The following MGAT4C variants were observed in gnomAD, a reference collection of about 807,000 sequenced individuals.
MGAT4C encodes alpha-1,3-mannosyl-glycoprotein 4-beta-N-acetylglucosaminyltransferase C.
A neutral mutation model predicts 40.1 loss-of-function variants in MGAT4C; 19 were observed. That is an observed-to-expected ratio of 0.47 (90% CI 0.33 to 0.70). MGAT4C has a LOEUF of 0.70. Among genes scored for constraint, MGAT4C ranks in the 30% least tolerant of loss-of-function variants. MGAT4C has a pLI of 0.02. For missense variants in MGAT4C, 491 were observed against 563.2 expected (o/e 0.87, Z 1.30); for synonymous variants, 181 against 187.1 (o/e 0.97, Z 0.27).
At chr12:86,454,655 G>T (rs1319862837) in intron 2 of MGAT4C, among the ~76,000 whole-genome samples, 13 of 152,084 alleles carry the variant, frequency 8.5e-5, no homozygotes, top group African/African-American at 2.9e-4. Flanking sequence ...TATCAGCAAT[G>T]AAATTAATAA....
chr12:86,730,680 A>G (rs1367303003), intron 1 of MGAT4C, among the ~76,000 whole-genome samples: 1 of 152,120 alleles, frequency 6.6e-6, no homozygotes, highest in Non-Finnish European at 1.5e-5. Context: ...ATTTCATTAA[A>G]GGTAAATTTC....
chr12:85,979,618 C>A lies in MGAT4C; in HGVS notation c.1108G>T (p.Gly370Trp). 6.2e-7 allele frequency: 1 copy of A among 1,611,174 alleles called. No individual in the cohort carries two copies. ...ACATCTCCTGTTGAAGGTGGTTTCC[C>A]CCAAAAGTACTCATCAACACTACTG... ...AYSSVDEYFW[G>W]KPPSTGDVFV... The change falls in exon 5 of 5, where the codon GGG becomes TGG. Residue 370 changes from glycine to tryptophan, a missense_variant. Gly to Trp is a radical substitution (Grantham distance 184, BLOSUM62 -2). Coordinates refer to ENST00000611864, the MANE Select transcript of MGAT4C (RefSeq NM_001351288.2).
At position 86,580,419 on chromosome 12, in the gene MGAT4C, TGGTTCATAGTA is replaced by T. The variant is rs757630437; in HGVS notation, c.-228-145165_-228-145155del. On this transcript the variant is annotated intron_variant, in intron 2 of 7. Coordinates refer to the MGAT4C transcript ENST00000548651. ...TATCCCTAAGGTATAGATTATAGTCTGGTTCATAGTAGGTACTCAATTAATGGTTGTGGAAT... is the reference window on the plus strand; with the variant it reads ...TATCCCTAAGGTATAGATTATAGTCTGGTACTCAATTAATGGTTGTGGAAT... Among the ~76,000 whole-genome samples, 31 of 151,642 alleles carry T rather than the reference TGGTTCATAGTA, an allele frequency of 2.0e-4. No homozygotes were observed. In the Middle Eastern group the frequency reaches 0.01, roughly 50 times the overall value.
rs1449108052 is a variant in MGAT4C, at chr12:86,376,804, CAGAGAGAGAGAGACAGAGAG to C, written c.-119-42697_-119-42678del. 9.4e-3 allele frequency among the ~76,000 whole-genome samples: 911 copies of C among 96,788 alleles called. 15 individuals are homozygous for C. Among genetic ancestry groups the C allele is most frequent in the East Asian group, 0.064 (212 of 3,326 alleles). The allele number at this position is 96,788 out of a possible 152,430, so 63.5% of individuals were successfully genotyped here. ...AGAGAGAGAGACAGAGAGAGAGAGA[CAGAGAGAGAGAGACAGAGAG>C]AGAGAGAGAGAGAGAGAGACAGAGA... On this transcript the variant is annotated intron_variant, in intron 3 of 7. Coordinates refer to the MGAT4C transcript ENST00000548651.
intron 1 of MGAT4C, among the ~76,000 whole-genome samples, chr12:86,767,372 A>G (rs1951531920): frequency 6.6e-6 from 1 of 152,224 alleles, no homozygotes; most frequent in African/African-American, 2.4e-5. Context: ...GCAATAATCA[A>G]TAGCTTACCA....
intron 2 of MGAT4C, among the ~76,000 whole-genome samples, chr12:86,699,097 T>C (rs117281008): frequency 0.011 from 1,611 of 152,282 alleles, 16 homozygotes; most frequent in East Asian, 0.039. Flanking sequence ...TAAATAGGAA[T>C]TCTATGTCTT....
intron 1 of MGAT4C, among the ~76,000 whole-genome samples, chr12:86,081,742 T>C (rs551200740): frequency 2.0e-5 from 3 of 152,038 alleles, no homozygotes; most frequent in Admixed American, 6.6e-5. Context: ...AACATGCTGA[T>C]ATATAAAAGA....
chr12:86,482,062 G>T (rs111940020), intron 2 of MGAT4C, among the ~76,000 whole-genome samples: 15,217 of 90,596 alleles, frequency 0.17, 1,009 homozygotes, highest in Middle Eastern at 0.37. Context: ...TTCTAAACAT[G>T]TCACTACACA....
chr12:86,432,367 G>T (rs1252395939), intron 3 of MGAT4C, among the ~76,000 whole-genome samples: 4 of 152,068 alleles, frequency 2.6e-5, no homozygotes, highest in Non-Finnish European at 4.4e-5. Flanking sequence ...GGGATGTGTA[G>T]TCCCAGCCAA....
At chr12:86,729,516 T>C (rs1284115983) in intron 1 of MGAT4C, among the ~76,000 whole-genome samples, 1 of 152,114 alleles carries the variant, frequency 6.6e-6, no homozygotes, top group Non-Finnish European at 1.5e-5. Context: ...CCTAGGTTGA[T>C]GCTAAGAACT....
intron 2 of MGAT4C, among the ~76,000 whole-genome samples, chr12:86,688,213 T>C (rs1338130699): frequency 9.3e-5 from 12 of 129,052 alleles, no homozygotes; most frequent in Admixed American, 9.1e-4. Flanking sequence ...TATTCCTCCA[T>C]CCCTTTATCT....
chr12:86,028,093 C>G, intron 2 of MGAT4C: 1 of 1,277,704 alleles, frequency 7.8e-7, no homozygotes, highest in Non-Finnish European at 1.0e-6. Flanking sequence ...ACTACCTTTT[C>G]TAAATAATAC....
intron 1 of MGAT4C, among the ~76,000 whole-genome samples, chr12:86,101,280 G>T (rs1340064912): frequency 3.3e-5 from 5 of 151,708 alleles, no homozygotes; most frequent in African/African-American, 1.2e-4. Flanking sequence ...ATCAATGAAA[G>T]AACTCATGTG....
At chr12:86,372,237 T>C (rs1955731743) in intron 3 of MGAT4C, among the ~76,000 whole-genome samples, 1 of 151,830 alleles carries the variant, frequency 6.6e-6, no homozygotes, top group African/African-American at 2.4e-5. Context: ...GCACATTTTA[T>C]TATTCCATTT....
At chr12:86,266,765 G>C (rs981739508) in intron 4 of MGAT4C, among the ~76,000 whole-genome samples, 1 of 151,970 alleles carries the variant, frequency 6.6e-6, no homozygotes, top group Non-Finnish European at 1.5e-5. Flanking sequence ...TCTGGCACTG[G>C]GATTTTCTTT....
intron 3 of MGAT4C, among the ~76,000 whole-genome samples, chr12:86,386,009 C>T (rs1956043578): frequency 6.6e-6 from 1 of 152,216 alleles, no homozygotes; most frequent in Non-Finnish European, 1.5e-5. Flanking sequence ...CGGCTCACTG[C>T]AACCTCCGCC....
At chr12:86,539,893 G>GT (rs1959143642) in intron 2 of MGAT4C, among the ~76,000 whole-genome samples, 1 of 152,108 alleles carries the variant, frequency 6.6e-6, no homozygotes, top group Admixed American at 6.6e-5. Context: ...TTGTAAATTT[G>GT]TTTAAGTTCT....
rs370571115 is a variant in MGAT4C, at chr12:85,977,756, G to A, written c.*1533C>T. On this transcript the variant is annotated 3_prime_UTR_variant, in exon 5 of 5. Transcript: ENST00000611864. Reference sequence around the variant, plus strand: ...AAGAGCAGGAAGATTTCCTCATTCTGTCTTACCAGCAAAAGTCTAGCCTTC... The same window carrying A: ...AAGAGCAGGAAGATTTCCTCATTCTATCTTACCAGCAAAAGTCTAGCCTTC... 10 of 142,254 alleles carry A rather than the reference G, an allele frequency of 7.0e-5. No individual in the cohort carries two copies. The highest frequency in any genetic ancestry group is 4.2e-4 in the East Asian group (2 of 4,740). 8.8% of individuals were successfully genotyped at this position (142,254 alleles called of 1,614,324 possible). A position where few individuals can be genotyped will look rare whatever the true frequency, so the allele number is the denominator to read the frequency against.
At chr12:86,429,058 T>C (rs891336028) in intron 3 of MGAT4C, among the ~76,000 whole-genome samples, 2 of 152,092 alleles carry the variant, frequency 1.3e-5, no homozygotes, top group Admixed American at 6.5e-5. Context: ...ATGTGGTTTA[T>C]TTGAGATCTT....
Sources: allele counts gnomAD v4.1 joint callset (sites outside exome capture counted in the v4.1 genomes callset), GRCh38; gene constraint gnomAD v4.1.1; transcripts MANE v1.5; gene names NCBI Gene and HGNC (gene_info 2026-07-23, HGNC 2026-07-21).